The following LOC400499 variants were observed in gnomAD, a reference collection of about 807,000 sequenced individuals.
chr16:11,512,826 GT>G, the LOC400499 span, among the ~76,000 whole-genome samples: 1 of 152,182 alleles, frequency 6.6e-6, no homozygotes, highest in Non-Finnish European at 1.5e-5. Context: ...GGCACAGCTA[GT>G]TTCTGTAGCT....
the LOC400499 span, chr16:11,478,479 T>C: frequency 2.5e-6 from 1 of 398,866 alleles, no homozygotes; most frequent in East Asian, 3.6e-5. Context: ...CTTAAGTGCT[T>C]TGCCAAGTGT....
chr16:11,513,399 G>A, the LOC400499 span, among the ~76,000 whole-genome samples: 3 of 64,424 alleles, frequency 4.7e-5, no homozygotes, highest in Non-Finnish European at 1.0e-4. Flanking sequence ...GAACGAGACT[G>A]TGTCTCCAAA....
At chr16:11,408,919 G>A in the LOC400499 span, among the ~76,000 whole-genome samples, 1 of 151,970 alleles carries the variant, frequency 6.6e-6, no homozygotes, top group Admixed American at 6.6e-5. Context: ...ATGTGGGTAT[G>A]CACTGTAAAA....
the LOC400499 span, among the ~76,000 whole-genome samples, chr16:11,465,754 G>C: frequency 6.9e-6 from 1 of 145,574 alleles, no homozygotes; most frequent in African/African-American, 2.5e-5. Flanking sequence ...CCTTGTAAAA[G>C]AAAGAGAAGG....
At chr16:11,485,488 G>T in the LOC400499 span, among the ~76,000 whole-genome samples, 7 of 151,920 alleles carry the variant, frequency 4.6e-5, no homozygotes, top group African/African-American at 9.7e-5. Context: ...TCCCCTGGAT[G>T]GGGGGGAGGG....
the LOC400499 span, among the ~76,000 whole-genome samples, chr16:11,453,527 C>T: frequency 0.043 from 6,540 of 151,934 alleles, 209 homozygotes; most frequent in East Asian, 0.17. Flanking sequence ...TGGAACAGGA[C>T]GCTGTAAGAA....
the LOC400499 span, chr16:11,439,364 G>T: frequency 2.5e-6 from 1 of 396,464 alleles, no homozygotes; most frequent in East Asian, 3.6e-5. Context: ...AACATTGCAA[G>T]TGTGGGCTCC....
the LOC400499 span, chr16:11,514,399 G>C: frequency 7.5e-6 from 3 of 399,162 alleles, no homozygotes; most frequent in East Asian, 1.1e-4. Flanking sequence ...GCAGCAGACT[G>C]AGTGAGGAGA....
At chr16:11,514,367 G>A in the LOC400499 span, 16 of 399,094 alleles carry the variant, frequency 4.0e-5, no homozygotes, top group African/African-American at 1.0e-4. Flanking sequence ...ACCTGTGCCC[G>A]CTGGATCTTG....
chr16:11,475,635 G>C, the LOC400499 span: 1 of 399,092 alleles, frequency 2.5e-6, no homozygotes, highest in East Asian at 3.6e-5. Flanking sequence ...TTCCTCACCA[G>C]TACAGGACTG....
At chr16:11,469,564 G>A in the LOC400499 span, 3 of 398,934 alleles carry the variant, frequency 7.5e-6, no homozygotes, top group African/African-American at 2.1e-5. Flanking sequence ...CTTGTTCTGG[G>A]GCAAGCTGTA....
the LOC400499 span, chr16:11,446,995 G>A: frequency 7.0e-7 from 1 of 1,432,122 alleles, no homozygotes; most frequent in Non-Finnish European, 9.2e-7. Flanking sequence ...GTCTCAGCCT[G>A]GGCCTGTCAC....
chr16:11,522,038 G>A, the LOC400499 span: 276 of 399,236 alleles, frequency 6.9e-4, no homozygotes, highest in African/African-American at 5.4e-3. Context: ...AGGACGTCCT[G>A]CAGGCTGGTG....
At chr16:11,382,601 C>T in the LOC400499 span, among the ~76,000 whole-genome samples, 1 of 152,060 alleles carries the variant, frequency 6.6e-6, no homozygotes, top group Non-Finnish European at 1.5e-5. Flanking sequence ...GGTGTGAGAG[C>T]AGAGAGAAAA....
chr16:11,522,873 G>A, the LOC400499 span, among the ~76,000 whole-genome samples: 5 of 152,118 alleles, frequency 3.3e-5, no homozygotes, highest in Non-Finnish European at 5.9e-5. Flanking sequence ...CTGGGGAAGA[G>A]CTGATTTAGG....
At chr16:11,387,599 T>C in the LOC400499 span, among the ~76,000 whole-genome samples, 82 of 151,974 alleles carry the variant, frequency 5.4e-4, 1 homozygote, top group African/African-American at 1.8e-3. Flanking sequence ...TGGGCTTATG[T>C]GTGGGGATGC....
the LOC400499 span, chr16:11,491,733 C>T: frequency 1.5e-5 from 6 of 398,684 alleles, no homozygotes; most frequent in East Asian, 1.1e-4. Context: ...CTGGGTGCGC[C>T]GCACCTGGGC....
At chr16:11,426,981 A>G in the LOC400499 span, among the ~76,000 whole-genome samples, 3 of 147,900 alleles carry the variant, frequency 2.0e-5, no homozygotes, top group African/African-American at 7.9e-5. Flanking sequence ...CAAATCAATA[A>G]AAGACAAACA....
chr16:11,461,187 A>C, the LOC400499 span: 1 of 1,471,466 alleles, frequency 6.8e-7, no homozygotes, highest in Non-Finnish European at 9.0e-7. Flanking sequence ...ATCCCCAGGC[A>C]AAGAAGGGAC....
Sources: allele counts gnomAD v4.1 joint callset (sites outside exome capture counted in the v4.1 genomes callset), GRCh38; gene constraint gnomAD v4.1.1; transcripts MANE v1.5.